FAM72A: variants seen among roughly 807,000 people sequenced by gnomAD.
FAM72A encodes the protein regulator of UNG2 and MKLN1 interacting yippee protein 1, also known as protein FAM72A.
In FAM72A, 1 loss-of-function variant was observed where a neutral mutation model predicts 11.3. That is an observed-to-expected ratio of 0.09 (90% confidence interval 0.03 to 0.42). The LOEUF (loss-of-function observed/expected upper bound fraction) is 0.42, where lower values mean the gene tolerates loss of function less well. Ranked by LOEUF, FAM72A falls within the 10% of genes least tolerant of loss-of-function variation. The pLI, the probability that FAM72A is intolerant of heterozygous loss-of-function variation, is 0.98. For synonymous variants in FAM72A, 5 were observed against 46.9 expected, an observed-to-expected ratio of 0.11 and a Z score of 3.65; for missense variants, 15 against 135.5, an observed-to-expected ratio of 0.11 and a Z score of 4.41.
At chr1:206,193,701 C>T (rs1332226859) in intron 3 of FAM72A, among the ~76,000 whole-genome samples, 3 of 151,912 alleles carry the variant, frequency 2.0e-5, no homozygotes, top group African/African-American at 7.3e-5. Flanking sequence ...GGAATTATGC[C>T]AAATATACTT....
At chr1:206,193,216 T>A (rs1281118906) in intron 3 of FAM72A, among the ~76,000 whole-genome samples, 1 of 148,370 alleles carries the variant, frequency 6.7e-6, no homozygotes, top group Non-Finnish European at 1.5e-5. Context: ...CCCGGCCTCT[T>A]ATTCCTTTTT....
At chr1:206,194,400 A>G (rs1206059981) in intron 3 of FAM72A, among the ~76,000 whole-genome samples, 4 of 152,148 alleles carry the variant, frequency 2.6e-5, no homozygotes, top group East Asian at 3.8e-4. Flanking sequence ...AGAATATTAC[A>G]TAAACATAGT....
At chr1:206,202,999 C>A (rs1303061511), upstream of FAM72A, 2 of 152,336 alleles carry the variant, frequency 1.3e-5, no homozygotes, top group African/African-American at 4.8e-5. Context: ...GCTTGAAGAC[C>A]GTAGGCACCG....
Position 206,187,128 on chromosome 1 carries a change from A to G in FAM72A, c.*151T>C, listed in dbSNP as rs1457490490. ...TCACTGGCTTCAATCAAACTGAGGT[A>G]ACTAATTAGAGACGGAAAATAAATA... On this transcript the variant is annotated 3_prime_UTR_variant, in exon 4 of 4. Coordinates refer to ENST00000367128, the MANE Select transcript of FAM72A (RefSeq NM_001123168.3). The G allele has an allele frequency of 1.7e-5, 18 of 1,058,466 alleles. No homozygotes were observed. Among genetic ancestry groups the G allele is most frequent in the Non-Finnish European group, 2.6e-6 (2 of 761,156 alleles). The allele number at this position is 1,058,466 out of a possible 1,614,324, so 65.6% of individuals were successfully genotyped here.
chr1:206,191,754 G>A (rs1247525163), intron 3 of FAM72A, among the ~76,000 whole-genome samples: 1 of 136,922 alleles, frequency 7.3e-6, no homozygotes, highest in Admixed American at 7.4e-5. Context: ...TTGAGACAGG[G>A]TCTCACTCTG....
At chr1:206,203,025 T>C (rs1252336638), upstream of FAM72A, among the ~76,000 whole-genome samples, 3 of 152,004 alleles carry the variant, frequency 2.0e-5, no homozygotes, top group East Asian at 1.9e-4. Context: ...GTAACGGTGC[T>C]GAGATCAATT....
At chr1:206,198,471 C>T (rs1553298672) in intron 2 of FAM72A, among the ~76,000 whole-genome samples, 1 of 145,512 alleles carries the variant, frequency 6.9e-6, no homozygotes, top group Admixed American at 6.8e-5. Context: ...ATACTAGTTC[C>T]TCAATACAAG....
chr1:206,191,619 A>C (rs1272678945), intron 3 of FAM72A, among the ~76,000 whole-genome samples: 1 of 149,162 alleles, frequency 6.7e-6, no homozygotes, highest in Admixed American at 6.6e-5. Context: ...TCTCAAAAAA[A>C]AAAAAAAAGA....
intron 2 of FAM72A, among the ~76,000 whole-genome samples, chr1:206,199,050 C>T (rs1275319403): frequency 1.4e-5 from 2 of 147,728 alleles, no homozygotes; most frequent in Non-Finnish European, 3.0e-5. Context: ...CCATTGCACT[C>T]CAGCCTTGGC....
chr1:206,193,120 T>C (rs1664879823), intron 3 of FAM72A, among the ~76,000 whole-genome samples: 1 of 151,204 alleles, frequency 6.6e-6, no homozygotes. Context: ...TCCATGTTGG[T>C]CAGGCTGGTC....
upstream of FAM72A, chr1:206,205,123 C>T (rs1665794068): frequency 4.6e-5 from 7 of 152,146 alleles, no homozygotes. Context: ...GGCCGCTGCC[C>T]AGCGCTGGCG....
intron 3 of FAM72A, 37 bp from the exon 4 acceptor site, chr1:206,187,410 C>G: frequency 6.2e-7 from 1 of 1,606,514 alleles, no homozygotes; most frequent in South Asian, 1.1e-5. Flanking sequence ...TTAATGCTTA[C>G]TACTGTTATA....
upstream of FAM72A, chr1:206,203,530 G>T (rs1182829315): frequency 5.8e-6 from 3 of 514,782 alleles, no homozygotes; most frequent in East Asian, 9.2e-5. Context: ...GGAGTTGGCG[G>T]AGGCTCCTCC....
chr1:206,203,469 A>G (rs542391946), upstream of FAM72A: 1 of 418,548 alleles, frequency 2.4e-6, no homozygotes, highest in East Asian at 3.5e-5. Flanking sequence ...TCGATAGAAA[A>G]CGGGCGGTGA....
chr1:206,187,368 T>C lies in FAM72A; in HGVS notation c.361A>G (p.Asn121Asp), dbSNP rs781963612. 6 of 1,611,472 alleles carry C rather than the reference T, an allele frequency of 3.7e-6. No homozygotes were observed. Among genetic ancestry groups the C allele is most frequent in the Non-Finnish European group, 5.1e-6 (6 of 1,179,662 alleles). Residue 121 changes from asparagine to aspartate, a missense_variant, in exon 4 of 4, where the codon AAC (asparagine) becomes GAC (aspartate). Asn to Asp is a conservative substitution (Grantham distance 23). Around this residue, in one of 2 missense-constraint regions of FAM72A, gnomAD observed 10 missense variants for 35.1 expected, o/e 0.29. Transcript: ENST00000367128. ...GGCAAGTTGCCCCAAAGTAGGACGT[T>C]TACACCTGAAAATAAAAAGTCATAA... ...DINRLDSTGV[N>D]VLLWGNLPEI...
At chr1:206,203,541 A>T, upstream of FAM72A, 1 of 552,136 alleles carries the variant, frequency 1.8e-6, no homozygotes, top group Non-Finnish European at 3.2e-6. Context: ...AGGCTCCTCC[A>T]GGGACTGGGG....
intron 3 of FAM72A, among the ~76,000 whole-genome samples, chr1:206,191,307 A>G (rs1290069829): frequency 9.6e-6 from 1 of 103,684 alleles, no homozygotes; most frequent in Non-Finnish European, 1.8e-5. Context: ...TCAAAAAAAA[A>G]AAAAAAAAAA....
intron 3 of FAM72A, among the ~76,000 whole-genome samples, chr1:206,190,905 G>A (rs1358187975): frequency 1.3e-5 from 2 of 150,770 alleles, no homozygotes; most frequent in Non-Finnish European, 3.0e-5. Flanking sequence ...AAATCAACTT[G>A]GTCTGTTGTG....
chr1:206,198,330 C>T (rs1440573973), intron 2 of FAM72A, among the ~76,000 whole-genome samples: 1 of 150,608 alleles, frequency 6.6e-6, no homozygotes, highest in African/African-American at 2.4e-5. Context: ...TGCCACTGCA[C>T]TCTAGCCTGG....
Sources: gnomAD v4.1 joint callset for allele counts (sites outside exome capture counted in the v4.1 genomes callset) on GRCh38, gnomAD v4.1.1 for gene constraint, gnomAD v4.1.1 regional missense constraint, MANE v1.5 for transcripts, NCBI Gene and HGNC (gene_info 2026-07-23, HGNC 2026-07-21) for gene names.